The following CNTNAP4 variants were observed in gnomAD, a reference collection of about 807,000 sequenced individuals.
CNTNAP4 encodes contactin-associated protein-like 4.
A neutral mutation model predicts 148.4 loss-of-function variants in CNTNAP4; 98 were observed. That is an observed-to-expected ratio of 0.66 (90% CI 0.56 to 0.78). The LOEUF (loss-of-function observed/expected upper bound fraction) is 0.78. Ranked by LOEUF, CNTNAP4 falls within the 30% of genes least tolerant of loss-of-function variation. The pLI is 0.00. For missense variants in CNTNAP4, 1,935 were observed against 1,565.6 expected (o/e 1.24, Z -3.98); for synonymous variants, 730 against 565.1 (o/e 1.29, Z -4.14).
intron 15 of CNTNAP4, among the ~76,000 whole-genome samples, chr16:76,503,036 A>G (rs897529038): frequency 1.3e-5 from 2 of 152,140 alleles, no homozygotes; most frequent in Admixed American, 1.3e-4. Flanking sequence ...TTTGTTTTCA[A>G]TTTCATTTTA....
intron 15 of CNTNAP4, among the ~76,000 whole-genome samples, chr16:76,516,681 A>C (rs2083265381): frequency 6.6e-6 from 1 of 152,264 alleles, no homozygotes; most frequent in Non-Finnish European, 1.5e-5. Context: ...TGGTTAAATA[A>C]ATTTTAATAT....
chr16:76,326,932 TA>T (rs1963045329), intron 2 of CNTNAP4, among the ~76,000 whole-genome samples: 1 of 150,936 alleles, frequency 6.6e-6, no homozygotes, highest in South Asian at 2.1e-4. Flanking sequence ...ACATGTACCC[TA>T]AAACTTAAAG....
At chr16:76,395,322 A>G (rs914561473) in intron 3 of CNTNAP4, among the ~76,000 whole-genome samples, 2 of 151,910 alleles carry the variant, frequency 1.3e-5, no homozygotes, top group Admixed American at 6.6e-5. Context: ...CTGGAATGCA[A>G]TGGCGCAATC....
At chr16:76,360,763 T>C (rs1191999207) in intron 3 of CNTNAP4, among the ~76,000 whole-genome samples, 3 of 152,082 alleles carry the variant, frequency 2.0e-5, no homozygotes, top group Non-Finnish European at 4.4e-5. Flanking sequence ...CTCCACATTC[T>C]CTAGCTTTTG....
intron 2 of CNTNAP4, among the ~76,000 whole-genome samples, chr16:76,325,774 A>G (rs973612443): frequency 7.2e-5 from 11 of 152,262 alleles, no homozygotes; most frequent in African/African-American, 2.4e-4. Context: ...AAAAAACCCA[A>G]AGTGCATTAA....
At chr16:76,425,203 C>G (rs74026777) in intron 3 of CNTNAP4, among the ~76,000 whole-genome samples, 5,975 of 152,172 alleles carry the variant, frequency 0.039, 392 homozygotes, top group African/African-American at 0.13. Flanking sequence ...ACAGCAGCAA[C>G]AATAGCAAAA....
rs2015100162 is a variant in CNTNAP4, at chr16:76,373,671, GA to G, written c.390+18161del. Among the ~76,000 whole-genome samples, 2 of 151,992 alleles carry G rather than the reference GA, an allele frequency of 1.3e-5. 1 individual carries two copies. The highest frequency in any genetic ancestry group is 1.3e-4 in the Admixed American group (2 of 15,238). ...GCACTTTGGGAGGCCGAGGCAGGTG[GA>G]TCACCTGAGCTCAGGAGTTCAAGAC... On this transcript the variant is annotated intron_variant, in intron 3 of 23. Coordinates refer to ENST00000611870, the MANE Select transcript of CNTNAP4 (RefSeq NM_033401.5).
At chr16:76,488,998 A>G (rs2082119438) in intron 12 of CNTNAP4, among the ~76,000 whole-genome samples, 1 of 152,174 alleles carries the variant, frequency 6.6e-6, no homozygotes, top group Admixed American at 6.6e-5. Flanking sequence ...CAAAAGAGTA[A>G]CTTCCTATTG....
chr16:76,384,381 A>T (rs1485171494), intron 3 of CNTNAP4, among the ~76,000 whole-genome samples: 2 of 152,048 alleles, frequency 1.3e-5, no homozygotes, highest in Admixed American at 6.6e-5. Context: ...ACTTGTAATA[A>T]GTTAAGGCTG....
At chr16:76,416,053 C>A (rs1337447741) in intron 3 of CNTNAP4, among the ~76,000 whole-genome samples, 1 of 150,700 alleles carries the variant, frequency 6.6e-6, no homozygotes, top group Non-Finnish European at 1.5e-5. Flanking sequence ...ATCCTTAACT[C>A]ATTTATCTTC....
rs181495400 is a variant in CNTNAP4 at position 76,516,584 on chromosome 16, A to G, written c.2366-4556A>G. On this transcript the variant is annotated intron_variant, in intron 15 of 23. Coordinates refer to ENST00000611870, the MANE Select transcript of CNTNAP4 (RefSeq NM_033401.5). The stretch of plus-strand genomic sequence containing the variant: ...ATTTTCCCCAGGGAACTGGCAACTT[A>G]CGTTCACAAAATATTTGTACACAGA... Among the ~76,000 whole-genome samples, 471 of 152,324 alleles carry G rather than the reference A, an allele frequency of 3.1e-3. 1 individual carries two copies. The highest frequency in any genetic ancestry group is 4.7e-3 in the Non-Finnish European group (320 of 68,024).
At chr16:76,491,091 T>C (rs1456621745) in intron 13 of CNTNAP4, among the ~76,000 whole-genome samples, 2 of 152,174 alleles carry the variant, frequency 1.3e-5, no homozygotes, top group East Asian at 3.9e-4. Flanking sequence ...CCACTAAAAA[T>C]CAGATTATTT....
chr16:76,281,917 A>G (rs1402203684), intron 1 of CNTNAP4, among the ~76,000 whole-genome samples: 2 of 151,972 alleles, frequency 1.3e-5, no homozygotes, highest in Admixed American at 6.6e-5. Flanking sequence ...CTCAAATATT[A>G]GTATTATATT....
intron 1 of CNTNAP4, among the ~76,000 whole-genome samples, chr16:76,281,996 TC>T (rs1958705506): frequency 6.6e-6 from 1 of 151,930 alleles, no homozygotes; most frequent in Non-Finnish European, 1.5e-5. Flanking sequence ...TACATAAGAT[TC>T]TTTACTCTCT....
chr16:76,473,527 A>G (rs1393247214), intron 10 of CNTNAP4, among the ~76,000 whole-genome samples: 1 of 152,148 alleles, frequency 6.6e-6, no homozygotes, highest in Non-Finnish European at 1.5e-5. Flanking sequence ...TAATCCCAGC[A>G]CTTTGGGAGG....
intron 4 of CNTNAP4, among the ~76,000 whole-genome samples, chr16:76,440,169 A>T (rs2079979788): frequency 6.6e-6 from 1 of 151,884 alleles, no homozygotes; most frequent in Non-Finnish European, 1.5e-5. Context: ...ATAGCTATAT[A>T]TTTTTTTTCT....
intron 17 of CNTNAP4, among the ~76,000 whole-genome samples, chr16:76,533,984 T>C (rs2084104523): frequency 6.6e-6 from 1 of 152,226 alleles, no homozygotes. Context: ...ATAGTGTTAG[T>C]GTCCGTAAGT....
chr16:76,515,768 C>T (rs1247543150), intron 15 of CNTNAP4, among the ~76,000 whole-genome samples: 2 of 152,006 alleles, frequency 1.3e-5, no homozygotes, highest in Admixed American at 6.6e-5. Context: ...CTCAATGAGG[C>T]ACCACTTTAC....
At chr16:76,333,719 A>G (rs1963748773) in intron 2 of CNTNAP4, among the ~76,000 whole-genome samples, 1 of 151,042 alleles carries the variant, frequency 6.6e-6, no homozygotes, top group Non-Finnish European at 1.5e-5. Flanking sequence ...TACTAACTCA[A>G]AAATCAGATG....
Sources: allele counts gnomAD v4.1 joint callset (sites outside exome capture counted in the v4.1 genomes callset), GRCh38; gene constraint gnomAD v4.1.1; transcripts MANE v1.5; gene names NCBI Gene and HGNC (gene_info 2026-07-23, HGNC 2026-07-21).